Variants in RARB observed in about 807,000 individuals in gnomAD.
The protein encoded by RARB is retinoic acid receptor beta.
In RARB, 17 loss-of-function variants were observed where a neutral mutation model predicts 51.9. The observed-to-expected ratio is 0.33, with a 90% CI of 0.22 to 0.49. The LOEUF (loss-of-function observed/expected upper bound fraction) is 0.49. RARB is among the 20% of genes least tolerant of loss of function. The pLI is 0.99. For synonymous variants in RARB, 215 were observed against 195.4 expected (o/e 1.10, Z -0.84); for missense variants, 369 against 550.8 (o/e 0.67, Z 3.30).
At chr3:25,365,542 A>T (rs986052078) in intron 5 of RARB, among the ~76,000 whole-genome samples, 1 of 152,124 alleles carries the variant, frequency 6.6e-6, no homozygotes, top group Non-Finnish European at 1.5e-5. Context: ...AGAGTCTCTG[A>T]GTTAGGAATT....
At chr3:25,405,996 C>A (rs938606442) in intron 5 of RARB, among the ~76,000 whole-genome samples, 1 of 152,096 alleles carries the variant, frequency 6.6e-6, no homozygotes, top group African/African-American at 2.4e-5. Context: ...TGGTCACTAT[C>A]CCGAGAGTAT....
intron 2 of RARB, among the ~76,000 whole-genome samples, chr3:25,042,257 T>C (rs954317374): frequency 2.0e-5 from 3 of 152,232 alleles, no homozygotes; most frequent in African/African-American, 7.2e-5. Flanking sequence ...TCCCAAACTC[T>C]ACTTGTTCAT....
intron 5 of RARB, among the ~76,000 whole-genome samples, chr3:25,287,087 T>C (rs1703674532): frequency 6.6e-6 from 1 of 152,208 alleles, no homozygotes; most frequent in Non-Finnish European, 1.5e-5. Flanking sequence ...AATTTTGTCA[T>C]TTATACACCA....
chr3:25,401,452 A>T (rs1247487113), intron 5 of RARB, among the ~76,000 whole-genome samples: 1 of 152,214 alleles, frequency 6.6e-6, no homozygotes, highest in African/African-American at 2.4e-5. Flanking sequence ...AAGACCAGGA[A>T]AAAACAGATA....
intron 5 of RARB, among the ~76,000 whole-genome samples, chr3:25,183,788 T>C (rs1428280259): frequency 6.6e-6 from 1 of 152,176 alleles, no homozygotes; most frequent in African/African-American, 2.4e-5. Context: ...ATTGTAACGA[T>C]TCCTCTGTCC....
chr3:24,927,381 A>G (rs552642654), intron 2 of RARB, among the ~76,000 whole-genome samples: 1 of 152,136 alleles, frequency 6.6e-6, no homozygotes, highest in African/African-American at 2.4e-5. Flanking sequence ...AAGAAGCTAC[A>G]AATAATGAAT....
chr3:25,468,200 T>G (rs1246619351), intron 2 of RARB, among the ~76,000 whole-genome samples: 1 of 152,114 alleles, frequency 6.6e-6, no homozygotes, highest in Non-Finnish European at 1.5e-5. Flanking sequence ...TTGAACCCAG[T>G]ACCATGTCAA....
intron 3 of RARB, among the ~76,000 whole-genome samples, chr3:25,067,924 G>A (rs1698694369): frequency 6.6e-6 from 1 of 151,810 alleles, no homozygotes. Context: ...ATCACTCGAG[G>A]TCAGGAGTTT....
At chr3:25,237,899 C>G (rs190982662) in intron 5 of RARB, among the ~76,000 whole-genome samples, 174 of 151,976 alleles carry the variant, frequency 1.1e-3, no homozygotes, top group Non-Finnish European at 1.8e-3. Flanking sequence ...TTTATTGATA[C>G]ATAATATTTG....
intron 3 of RARB, among the ~76,000 whole-genome samples, chr3:25,100,207 TG>T (rs1459061192): frequency 2.0e-5 from 3 of 152,120 alleles, no homozygotes; most frequent in Non-Finnish European, 4.4e-5. Flanking sequence ...ATTTACAGCC[TG>T]GGGGATGTGA....
At chr3:25,007,339 C>G (rs907688350) in intron 2 of RARB, among the ~76,000 whole-genome samples, 1 of 152,004 alleles carries the variant, frequency 6.6e-6, no homozygotes, top group African/African-American at 2.4e-5. Flanking sequence ...CAAAACCACA[C>G]TCATGGCCGG....
At chr3:24,954,671 G>C (rs1695970226) in intron 2 of RARB, among the ~76,000 whole-genome samples, 1 of 152,102 alleles carries the variant, frequency 6.6e-6, no homozygotes, top group South Asian at 2.1e-4. Context: ...GGGAGAGAAG[G>C]GGGTGGAGTC....
At chr3:25,381,434 C>T (rs998912992) in intron 5 of RARB, among the ~76,000 whole-genome samples, 3 of 152,128 alleles carry the variant, frequency 2.0e-5, no homozygotes, top group African/African-American at 4.8e-5. Context: ...GTTACTTCTC[C>T]GGATCACATT....
At chr3:25,253,464 A>G (rs1488982411) in intron 5 of RARB, among the ~76,000 whole-genome samples, 1 of 152,200 alleles carries the variant, frequency 6.6e-6, no homozygotes, top group South Asian at 2.1e-4. Context: ...ATTCAAAGAA[A>G]TAGTTAATGT....
intron 2 of RARB, among the ~76,000 whole-genome samples, chr3:25,024,756 C>G (rs145727795): frequency 6.6e-6 from 1 of 151,940 alleles, no homozygotes; most frequent in Admixed American, 6.6e-5. Context: ...AGCTCGAGAC[C>G]AGCCTCGCCA....
chr3:25,431,077 T>C (rs1212693775), intron 1 of RARB, among the ~76,000 whole-genome samples: 1 of 151,624 alleles, frequency 6.6e-6, no homozygotes, highest in Non-Finnish European at 1.5e-5. Flanking sequence ...TTAGGGCTAT[T>C]GAAATAAAAG....
At chr3:25,147,191 G>A (rs981701069) in intron 4 of RARB, among the ~76,000 whole-genome samples, 26 of 152,126 alleles carry the variant, frequency 1.7e-4, no homozygotes, top group African/African-American at 6.0e-4. Context: ...TTGCAACCCA[G>A]GTATCTATAT....
chr3:25,051,570 C>T (rs563672079), intron 2 of RARB, among the ~76,000 whole-genome samples: 1 of 143,108 alleles, frequency 7.0e-6, no homozygotes, highest in Non-Finnish European at 1.5e-5. Flanking sequence ...AGCTTCGTTA[C>T]CTACATGTAT....
intron 5 of RARB, among the ~76,000 whole-genome samples, chr3:25,202,978 C>T (rs1701435466): frequency 1.3e-5 from 2 of 152,116 alleles, no homozygotes; most frequent in Admixed American, 6.5e-5. Context: ...GAGTTCAGTT[C>T]CTGGATATCC....
Sources: gnomAD v4.1 joint callset for allele counts (sites outside exome capture counted in the v4.1 genomes callset) on GRCh38, gnomAD v4.1.1 for gene constraint, MANE v1.5 for transcripts, NCBI Gene and HGNC (gene_info 2026-07-23, HGNC 2026-07-21) for gene names.